Variants in NEK7 observed in about 807,000 individuals in gnomAD.
NEK7 encodes serine/threonine-protein kinase Nek7.
In NEK7, 18 loss-of-function variants were observed where a neutral mutation model predicts 44.6. The ratio of observed to expected loss-of-function variants is 0.40; its 90% confidence interval spans 0.28 to 0.60. The LOEUF (loss-of-function observed/expected upper bound fraction) is 0.60, where lower values mean the gene tolerates loss of function less well. NEK7 is among the 20% of genes least tolerant of loss of function. NEK7 has a pLI of 0.38. For missense variants in NEK7, 256 were observed against 366.5 expected, an observed-to-expected ratio of 0.70 and a Z score of 2.46; for synonymous variants, 130 against 121.1, an observed-to-expected ratio of 1.07 and a Z score of -0.48.
chr1:198,234,564 A>C (rs887060719), intron 2 of NEK7, among the ~76,000 whole-genome samples: 1 of 152,178 alleles, frequency 6.6e-6, no homozygotes, highest in Non-Finnish European at 1.5e-5. Context: ...AAGCACTTTC[A>C]TTTTTGCCTC....
chr1:198,292,830 C>T (rs1654602065), intron 7 of NEK7, 115 bp from the exon 8 acceptor site: 3 of 719,650 alleles, frequency 4.2e-6, no homozygotes. Context: ...GCTTTCGATC[C>T]TAATGAATTA....
chr1:198,295,652 T>G (rs1654693491), intron 8 of NEK7, among the ~76,000 whole-genome samples: 1 of 151,354 alleles, frequency 6.6e-6, no homozygotes, highest in Non-Finnish European at 1.5e-5. Context: ...TCTGCAGTAC[T>G]GAGAAAAAGG....
chr1:198,246,175 C>T (rs912967407), intron 2 of NEK7, among the ~76,000 whole-genome samples: 11 of 152,138 alleles, frequency 7.2e-5, no homozygotes, highest in Non-Finnish European at 1.3e-4. Context: ...TATTACCTGC[C>T]TGATGATCTC....
At chr1:198,206,398 T>C (rs915892490) in intron 1 of NEK7, among the ~76,000 whole-genome samples, 6 of 152,176 alleles carry the variant, frequency 3.9e-5, no homozygotes, top group Admixed American at 3.3e-4. Flanking sequence ...GAAGCCTTTG[T>C]ATTTAGAACT....
rs553821537 is a variant in NEK7, at chr1:198,321,582, A to T, written c.*2060A>T. 6.6e-6 allele frequency: 1 copy of T among 152,224 alleles called. No homozygotes were observed. The highest frequency in any genetic ancestry group is 2.1e-4 in the South Asian group (1 of 4,826). 9.4% of individuals were successfully genotyped at this position (152,224 alleles called of 1,614,324 possible). A position where few individuals can be genotyped will look rare whatever the true frequency, so the allele number is the denominator to read the frequency against. ...AAGATTAAAGCTTTTCTTCTCAGTG[A>T]ATATATCTGCTAGAAGGAAATAGCT... On this transcript the variant is annotated 3_prime_UTR_variant, in exon 10 of 10. Coordinates refer to ENST00000367385, the MANE Select transcript of NEK7 (RefSeq NM_133494.3).
At chr1:198,317,584 A>G (rs1459814125) in intron 9 of NEK7, among the ~76,000 whole-genome samples, 1 of 152,206 alleles carries the variant, frequency 6.6e-6, no homozygotes, top group Non-Finnish European at 1.5e-5. Context: ...ATTCTGAATT[A>G]TTACACAGGA....
At chr1:198,159,786 G>A (rs1252849151) in intron 1 of NEK7, among the ~76,000 whole-genome samples, 1 of 152,106 alleles carries the variant, frequency 6.6e-6, no homozygotes, top group African/African-American at 2.4e-5. Context: ...CATATGGTAT[G>A]ATGGCAGTGT....
chr1:198,250,423 A>G (rs1486039069), intron 2 of NEK7, among the ~76,000 whole-genome samples: 1 of 152,106 alleles, frequency 6.6e-6, no homozygotes, highest in African/African-American at 2.4e-5. Flanking sequence ...GAAGAAAGTC[A>G]TTGGTAGCTT....
At chr1:198,165,328 A>G (rs1664233204) in intron 1 of NEK7, among the ~76,000 whole-genome samples, 2 of 152,208 alleles carry the variant, frequency 1.3e-5, no homozygotes, top group Non-Finnish European at 2.9e-5. Flanking sequence ...ACCCAGATCT[A>G]TCAGAGTGAT....
intron 1 of NEK7, among the ~76,000 whole-genome samples, chr1:198,159,608 A>G (rs1252499789): frequency 6.6e-6 from 1 of 152,174 alleles, no homozygotes; most frequent in Non-Finnish European, 1.5e-5. Context: ...TTTATTTCTA[A>G]GCGTACAGAC....
chr1:198,297,391 C>A, intron 9 of NEK7, 151 bp downstream of exon 9: 1 of 978,104 alleles, frequency 1.0e-6, no homozygotes, highest in Non-Finnish European at 1.5e-6. Context: ...CTCTTGGAGA[C>A]TTGCTGTCTA....
At chr1:198,315,566 A>T (rs1167101128) in intron 9 of NEK7, among the ~76,000 whole-genome samples, 1 of 152,214 alleles carries the variant, frequency 6.6e-6, no homozygotes, top group Non-Finnish European at 1.5e-5. Context: ...GAGAAATAGG[A>T]AGACAACTGA....
chr1:198,237,079 G>T (rs971772506), intron 2 of NEK7, among the ~76,000 whole-genome samples: 2 of 152,092 alleles, frequency 1.3e-5, no homozygotes, highest in African/African-American at 4.8e-5. Flanking sequence ...GCATTTGATA[G>T]AGTTGATTAT....
In NEK7 at chr1:198,274,059, A is replaced by G. The variant is rs527335919; in HGVS notation, c.373-3902A>G. Among the ~76,000 whole-genome samples the G allele has an allele frequency of 4.4e-4, 66 of 151,344 alleles. 1 individual carries two copies. The South Asian group carries it at 0.014, about 31-fold the overall frequency. ...TTAGTGGCACATTTAAACATTTGACAACACTCCAAGCAGGAAATGCTTCCT... is the reference window on the plus strand; with the variant it reads ...TTAGTGGCACATTTAAACATTTGACGACACTCCAAGCAGGAAATGCTTCCT... On this transcript the variant is annotated intron_variant, in intron 5 of 9. Transcript: ENST00000367385.
chr1:198,163,656 T>G (rs1165463135), intron 1 of NEK7, among the ~76,000 whole-genome samples: 5 of 152,234 alleles, frequency 3.3e-5, no homozygotes, highest in Admixed American at 2.0e-4. Flanking sequence ...AAAGGTCTTA[T>G]ATAAGAAGAT....
At chr1:198,209,322 GTGA>G (rs1316299798) in intron 1 of NEK7, among the ~76,000 whole-genome samples, 1 of 151,872 alleles carries the variant, frequency 6.6e-6, no homozygotes, top group African/African-American at 2.4e-5. Context: ...ATTATGCAAA[GTGA>G]TGTTTTTTAT....
chr1:198,195,595 C>T (rs1292467060), intron 1 of NEK7, among the ~76,000 whole-genome samples: 2 of 152,020 alleles, frequency 1.3e-5, no homozygotes, highest in Non-Finnish European at 2.9e-5. Flanking sequence ...CCGAGGTGGC[C>T]GGATCACCTG....
intron 1 of NEK7, among the ~76,000 whole-genome samples, chr1:198,227,452 C>T (rs1471182460): frequency 6.6e-6 from 1 of 152,178 alleles, no homozygotes; most frequent in Non-Finnish European, 1.5e-5. Flanking sequence ...ACACTGACTT[C>T]CACAATGGTT....
At chr1:198,240,537 A>G (rs1190870713) in intron 2 of NEK7, among the ~76,000 whole-genome samples, 1 of 152,138 alleles carries the variant, frequency 6.6e-6, no homozygotes, top group Non-Finnish European at 1.5e-5. Context: ...AATAACCACA[A>G]TGATGAGATC....
Sources: allele counts gnomAD v4.1 joint callset (sites outside exome capture counted in the v4.1 genomes callset), GRCh38; gene constraint gnomAD v4.1.1; transcripts MANE v1.5; gene names NCBI Gene and HGNC (gene_info 2026-07-23, HGNC 2026-07-21).